The following AMMECR1L variants were observed in gnomAD, a reference collection of about 807,000 sequenced individuals.
The protein encoded by AMMECR1L is AMMECR1 like.
A neutral mutation model predicts 36.8 loss-of-function variants in AMMECR1L; 4 were observed. The observed-to-expected ratio is 0.11, with a 90% confidence interval of 0.05 to 0.25. The LOEUF (loss-of-function observed/expected upper bound fraction) is 0.25, where lower values mean the gene tolerates loss of function less well. Ranked by LOEUF, AMMECR1L falls within the 10% of genes least tolerant of loss-of-function variation. The pLI is 1.00. For synonymous variants in AMMECR1L, 147 were observed against 148.0 expected, an observed-to-expected ratio of 0.99 and a Z score of 0.05; for missense variants, 232 against 392.1, an observed-to-expected ratio of 0.59 and a Z score of 3.45.
At chr2:127,876,077 AG>A (rs1320283048) in intron 2 of AMMECR1L, among the ~76,000 whole-genome samples, 1 of 140,894 alleles carries the variant, frequency 7.1e-6, no homozygotes, top group Non-Finnish European at 1.6e-5. Context: ...GGCTGGACAC[AG>A]TGGCTCATAT....
chr2:127,863,883 T>A lies in AMMECR1L; in HGVS notation c.*1211A>T, dbSNP rs1022163355. 6.6e-6 allele frequency: 1 copy of A among 152,482 alleles called. No homozygotes were observed. The highest frequency in any genetic ancestry group is 1.5e-5 in the Non-Finnish European group (1 of 68,054). The allele number at this position is 152,482 out of a possible 1,614,324, so 9.4% of individuals were successfully genotyped here. A position where few individuals can be genotyped will look rare whatever the true frequency, so the allele number is the denominator to read the frequency against. On this transcript the variant is annotated 3_prime_UTR_variant, in exon 8 of 8. Transcript: ENST00000272647. ...TCAGCAACAATGGGAAAGGGAAATA[T>A]GTCACATGAAAGTTTGAAAGACCTA...
chr2:127,871,477 C>T lies in AMMECR1L; in HGVS notation c.408-118G>A. The T allele has an allele frequency of 5.9e-6, 6 of 1,010,748 alleles. No homozygotes were observed. The South Asian group carries it at 6.0e-5, about 10-fold the overall frequency. The allele number at this position is 1,010,748 out of a possible 1,614,324, so 62.6% of individuals were successfully genotyped here. A position where few individuals can be genotyped will look rare whatever the true frequency, so the allele number is the denominator to read the frequency against. ...ATTGCCAAAAATCCCTGTTTTTGGA[C>T]TTGCCAGCTACCCGAAGGACTCTCT... is the stretch of plus-strand genomic sequence containing the variant. On this transcript the variant is annotated intron_variant, in intron 3 of 7. Transcript: ENST00000272647. The surrounding 1 kb of genome is among the most constrained non-coding windows in gnomAD (Gnocchi z 4.3).
At chr2:127,872,026 T>C (rs1426585312) in intron 3 of AMMECR1L, among the ~76,000 whole-genome samples, 1 of 151,824 alleles carries the variant, frequency 6.6e-6, no homozygotes, top group Non-Finnish European at 1.5e-5. Flanking sequence ...CCGCCTCTAC[T>C]AGAAATATAA....
rs1691079277 is a variant in AMMECR1L, at chr2:127,873,412, G to A, written c.407+416C>T. 1.0e-6 allele frequency: 1 copy of A among 985,322 alleles called. No individual in the cohort carries two copies. 61.0% of individuals were successfully genotyped at this position (985,322 alleles called of 1,614,324 possible). A position where few individuals can be genotyped will look rare whatever the true frequency, so the allele number is the denominator to read the frequency against. On this transcript the variant is annotated intron_variant, in intron 3 of 7. Coordinates refer to ENST00000272647, the MANE Select transcript of AMMECR1L (RefSeq NM_001199140.2). This position sits in a 1 kb window ranked among gnomAD's most constrained non-coding sequence, Gnocchi z 5.2. ...GGGGACCCCTGTTAACCAAATCGCA[G>A]ATCCCAGTGAATGAGAGCTCCTAGT...
At chr2:127,876,243 G>A (rs537600083) in intron 2 of AMMECR1L, among the ~76,000 whole-genome samples, 1 of 151,910 alleles carries the variant, frequency 6.6e-6, no homozygotes, top group South Asian at 2.1e-4. Context: ...CCAGCTACTT[G>A]GGAGGCTAAG....
At chr2:127,876,744 G>T (rs1691259709) in intron 2 of AMMECR1L, among the ~76,000 whole-genome samples, 1 of 152,078 alleles carries the variant, frequency 6.6e-6, no homozygotes, top group Admixed American at 6.6e-5. Context: ...GAGGCCAGGC[G>T]CCCTGGCTCA....
chr2:127,878,478 C>T (rs1160449284), intron 2 of AMMECR1L, among the ~76,000 whole-genome samples: 4 of 151,814 alleles, frequency 2.6e-5, no homozygotes, highest in Non-Finnish European at 4.4e-5. Flanking sequence ...CCAAACCACA[C>T]CTGAAGGAAA....
chr2:127,880,459 T>C (rs1174469936), intron 2 of AMMECR1L, among the ~76,000 whole-genome samples: 1 of 152,170 alleles, frequency 6.6e-6, no homozygotes, highest in African/African-American at 2.4e-5. Flanking sequence ...GTGCCCTTAG[T>C]GCTTAAAGTC....
chr2:127,865,356 G>A lies in AMMECR1L; in HGVS notation c.822-151C>T. ...TCTTACTTACAGAAAATGAAAGACA[G>A]CACAAGAAAACAATGTTGTTATTAC... is the stretch of plus-strand genomic sequence containing the variant. On this transcript the variant is annotated intron_variant, in intron 7 of 7. Transcript: ENST00000272647. The surrounding 1 kb of genome is among the most constrained non-coding windows in gnomAD (Gnocchi z 5.4). 1 of 533,128 alleles carries A rather than the reference G, an allele frequency of 1.9e-6. No homozygotes were observed. The highest frequency in any genetic ancestry group is 3.2e-5 in the East Asian group (1 of 31,118). 33.0% of individuals were successfully genotyped at this position (533,128 alleles called of 1,614,324 possible).
At chr2:127,867,446 T>C (rs953898117) in intron 6 of AMMECR1L, among the ~76,000 whole-genome samples, 2 of 152,096 alleles carry the variant, frequency 1.3e-5, no homozygotes, top group Admixed American at 6.5e-5. Context: ...GGTAAAAAAT[T>C]GACAGTGAGA....
chr2:127,885,242 A>C (rs1310388894), intron 1 of AMMECR1L: 1 of 984,848 alleles, frequency 1.0e-6, no homozygotes, highest in African/African-American at 1.7e-5. Flanking sequence ...AGAAAACGAC[A>C]GGACAGAGCG....
chr2:127,872,236 C>T (rs1208342236), intron 3 of AMMECR1L, among the ~76,000 whole-genome samples: 3 of 151,198 alleles, frequency 2.0e-5, no homozygotes, highest in Non-Finnish European at 2.9e-5. Flanking sequence ...GGGGGCCTCA[C>T]TATGTTGCCC....
intron 6 of AMMECR1L, 161 bp from the exon 7 acceptor site, chr2:127,867,157 C>G (rs1237354813): frequency 2.6e-5 from 26 of 985,372 alleles, no homozygotes; most frequent in Non-Finnish European, 2.9e-5. Flanking sequence ...GGCGCCCAGT[C>G]TGTCTGCCAG....
intron 2 of AMMECR1L, among the ~76,000 whole-genome samples, chr2:127,877,170 G>A (rs1691286652): frequency 6.6e-6 from 1 of 151,642 alleles, no homozygotes; most frequent in South Asian, 2.1e-4. Flanking sequence ...CTCCTGGGGG[G>A]CCAGTACTTG....
At position 127,871,198 on chromosome 2, in the gene AMMECR1L, T is replaced by C. The variant is rs1690950206; in HGVS notation, c.518+51A>G. On this transcript the variant is annotated intron_variant, in intron 4 of 7. Coordinates refer to ENST00000272647, the MANE Select transcript of AMMECR1L (RefSeq NM_001199140.2). The surrounding 1 kb of genome is among the most constrained non-coding windows in gnomAD (Gnocchi z 4.3). The stretch of plus-strand genomic sequence containing the variant: ...TAGAAGAAATAAAGTCAGGCAGCTA[T>C]TTCTGATTCTAGCCAATTTATCTAC... The C allele has an allele frequency of 5.1e-6, 8 of 1,576,814 alleles. No individual in the cohort carries two copies. The highest frequency in any genetic ancestry group is 1.3e-5 in the African/African-American group (1 of 74,278).
At chr2:127,875,844 A>AG (rs1256809944) in intron 2 of AMMECR1L, among the ~76,000 whole-genome samples, 1 of 151,902 alleles carries the variant, frequency 6.6e-6, no homozygotes, top group East Asian at 1.9e-4. Flanking sequence ...CCCACCCTGG[A>AG]GTGCAGTGGC....
Position 127,885,852 on chromosome 2 carries a change from T to C in AMMECR1L, c.-191A>G. The C allele has an allele frequency of 1.0e-6, 1 of 985,724 alleles. No homozygotes were observed. Among genetic ancestry groups the C allele is most frequent in the Non-Finnish European group, 1.2e-6 (1 of 829,908 alleles). 61.1% of individuals were successfully genotyped at this position (985,724 alleles called of 1,614,324 possible). A position where few individuals can be genotyped will look rare whatever the true frequency, so the allele number is the denominator to read the frequency against. On this transcript the variant is annotated 5_prime_UTR_variant, in exon 1 of 8. Coordinates refer to ENST00000272647, the MANE Select transcript of AMMECR1L (RefSeq NM_001199140.2). ...ACGCGGCTGGGGCGGACGGGACCTC[T>C]CGCGCTCTGCCTCCTCCTCTTGCTT...
Position 127,869,925 on chromosome 2 carries a change from C to T in AMMECR1L, c.634-381G>A, listed in dbSNP as rs1041907166. ...ATAAAAACTTTTATTTGGCCAGGCG[C>T]GGTGGCTCATGCCTGTAATCCCAAC... On this transcript the variant is annotated intron_variant, in intron 5 of 7. Coordinates refer to ENST00000272647, the MANE Select transcript of AMMECR1L (RefSeq NM_001199140.2). The surrounding 1 kb of genome is among the most constrained non-coding windows in gnomAD (Gnocchi z 4.7). Among the ~76,000 whole-genome samples the T allele has an allele frequency of 7.2e-5, 11 of 152,168 alleles. No homozygotes were observed. Among genetic ancestry groups the T allele is most frequent in the Non-Finnish European group, 1.5e-4 (10 of 68,036 alleles).
rs753873830 is a variant in AMMECR1L, at chr2:127,866,956, T to C, written c.765A>G (p.Lys255=). The C allele has an allele frequency of 6.2e-7, 1 of 1,614,258 alleles. No individual in the cohort carries two copies. The highest frequency in any genetic ancestry group is 1.1e-5 in the South Asian group (1 of 91,090). The change falls in exon 7 of 8, where the codon AAA becomes AAG. Residue 255 remains lysine, a synonymous_variant. Transcript: ENST00000272647. ...QIQTIDSLLR[K]GGFKAPITSE... is the part of the protein sequence containing the mutation. ...TGGTAATTGGAGCTTTAAAGCCACCTTTCCTGAGCAAGGAGTCTATTGTCT... is the reference window on the plus strand; with the variant it reads ...TGGTAATTGGAGCTTTAAAGCCACCCTTCCTGAGCAAGGAGTCTATTGTCT...
Sources: allele counts gnomAD v4.1 joint callset (sites outside exome capture counted in the v4.1 genomes callset), GRCh38; gene constraint gnomAD v4.1.1; non-coding constraint Gnocchi (gnomAD v3.1); transcripts MANE v1.5; gene names NCBI Gene and HGNC (gene_info 2026-07-23, HGNC 2026-07-21).